The following PPP2R2C variants were observed in gnomAD, a reference collection of about 807,000 sequenced individuals.
The protein encoded by PPP2R2C is protein phosphatase 2 regulatory subunit Bgamma, also known as protein phosphatase 2, regulatory subunit B, gamma.
PPP2R2C carries 10 observed loss-of-function variants against 45.3 expected under a neutral mutation model. That is an observed-to-expected ratio of 0.22 (90% CI 0.14 to 0.37). The LOEUF is 0.37. Among genes scored for constraint, PPP2R2C ranks in the 10% least tolerant of loss-of-function variants. PPP2R2C has a pLI of 1.00. For synonymous variants in PPP2R2C, 257 were observed against 245.4 expected, an observed-to-expected ratio of 1.05 and a Z score of -0.44; for missense variants, 308 against 619.7, an observed-to-expected ratio of 0.50 and a Z score of 5.34.
chr4:6,520,307 C>T (rs554381978), intron 2 of PPP2R2C, among the ~76,000 whole-genome samples: 3 of 152,258 alleles, frequency 2.0e-5, no homozygotes, highest in Non-Finnish European at 2.9e-5. Flanking sequence ...AGTCCTCTGT[C>T]AACAGCCAAC....
intron 5 of PPP2R2C, chr4:6,350,098 A>G: frequency 2.0e-6 from 2 of 985,462 alleles, no homozygotes; most frequent in Non-Finnish European, 2.4e-6. Flanking sequence ...GAGTTAAGGC[A>G]TCACTGCCTG....
Position 6,321,205 on chromosome 4 carries a change from A to G in PPP2R2C, c.*2097T>C, listed in dbSNP as rs1731531813. The G allele has an allele frequency of 1.3e-5, 2 of 152,264 alleles. No individual in the cohort carries two copies. Among genetic ancestry groups the G allele is most frequent in the Admixed American group, 6.5e-5 (1 of 15,270 alleles). 9.4% of individuals were successfully genotyped at this position (152,264 alleles called of 1,614,324 possible). Reference sequence around the variant, plus strand: ...ATGTTAAATCTATGATGTGACAGTAACCTCTAGCTGCAAATACAAGTTTCT... The same window carrying G: ...ATGTTAAATCTATGATGTGACAGTAGCCTCTAGCTGCAAATACAAGTTTCT... On this transcript the variant is annotated 3_prime_UTR_variant, in exon 9 of 9. Coordinates refer to ENST00000382599, the MANE Select transcript of PPP2R2C (RefSeq NM_020416.4).
chr4:6,444,215 G>C (rs1271043279), intron 1 of PPP2R2C, among the ~76,000 whole-genome samples: 1 of 152,220 alleles, frequency 6.6e-6, no homozygotes, highest in African/African-American at 2.4e-5. Context: ...CCCGAAAATG[G>C]AAATCAGATG....
intron 2 of PPP2R2C, among the ~76,000 whole-genome samples, chr4:6,513,792 G>A (rs1723747630): frequency 6.6e-6 from 1 of 152,192 alleles, no homozygotes; most frequent in Non-Finnish European, 1.5e-5. Context: ...GCAGGCCAGG[G>A]AAGGGCCCCC....
Position 6,401,349 on chromosome 4 carries a change from T to C in PPP2R2C, c.71-20255A>G, listed in dbSNP as rs80288085. Among the ~76,000 whole-genome samples the C allele has an allele frequency of 9.3e-3, 1,420 of 152,128 alleles. 33 individuals carry two copies. The highest frequency in any genetic ancestry group is 0.032 in the African/African-American group (1,339 of 41,494). On this transcript the variant is annotated intron_variant, in intron 1 of 8. Transcript: ENST00000382599. ...TGTTTCCGAGTATTGTCAGGAACCG[T>C]CTTTGGACTGCCTCCTTCACTTCTA...
chr4:6,373,844 CAT>C (rs1431708688), intron 4 of PPP2R2C, among the ~76,000 whole-genome samples: 5 of 151,890 alleles, frequency 3.3e-5, no homozygotes, highest in African/African-American at 4.8e-5. Flanking sequence ...TGAGTGTGTG[CAT>C]ATGAGTGTGC....
At chr4:6,541,420 C>G (rs1724799600) in intron 1 of PPP2R2C, among the ~76,000 whole-genome samples, 1 of 152,160 alleles carries the variant, frequency 6.6e-6, no homozygotes, top group African/African-American at 2.4e-5. Context: ...TTCTCTCTGC[C>G]TGCTGTCCAC....
At chr4:6,409,107 G>A (rs1717991195) in intron 1 of PPP2R2C, among the ~76,000 whole-genome samples, 1 of 151,978 alleles carries the variant, frequency 6.6e-6, no homozygotes, top group African/African-American at 2.4e-5. Flanking sequence ...GTTCCCTGTG[G>A]CACCCAGCAT....
intron 2 of PPP2R2C, among the ~76,000 whole-genome samples, chr4:6,500,529 C>T (rs913663779): frequency 6.6e-6 from 1 of 152,228 alleles, no homozygotes; most frequent in Non-Finnish European, 1.5e-5. Flanking sequence ...TCCAAGCTGT[C>T]GGCCTTGGAC....
At chr4:6,561,403 C>T (rs969684799) in intron 1 of PPP2R2C, among the ~76,000 whole-genome samples, 6 of 151,994 alleles carry the variant, frequency 3.9e-5, no homozygotes, top group Admixed American at 2.6e-4. Context: ...TTTTTGAACA[C>T]AGGGCCCTGC....
chr4:6,349,846 G>A (rs148264197), intron 5 of PPP2R2C: 11 of 960,054 alleles, frequency 1.1e-5, no homozygotes, highest in African/African-American at 5.3e-5. Context: ...AGCCGAGATC[G>A]CACCATTATA....
chr4:6,459,447 C>T (rs1721211337), intron 1 of PPP2R2C, among the ~76,000 whole-genome samples: 1 of 152,166 alleles, frequency 6.6e-6, no homozygotes, highest in Non-Finnish European at 1.5e-5. Context: ...GATCCATGCT[C>T]AGCAGGACAA....
intron 6 of PPP2R2C, among the ~76,000 whole-genome samples, chr4:6,336,038 C>T (rs181189635): frequency 8.6e-4 from 131 of 152,204 alleles, no homozygotes; most frequent in Non-Finnish European, 1.4e-3. Context: ...GGCAGGTGGT[C>T]GCTCCTTCCA....
At chr4:6,460,762 G>C (rs542182069) in intron 1 of PPP2R2C, among the ~76,000 whole-genome samples, 10 of 152,070 alleles carry the variant, frequency 6.6e-5, no homozygotes, top group Admixed American at 2.0e-4. Flanking sequence ...TTTTTGCTAT[G>C]ACTACATATG....
chr4:6,427,055 A>G (rs965843955), intron 1 of PPP2R2C, among the ~76,000 whole-genome samples: 49 of 152,320 alleles, frequency 3.2e-4, no homozygotes, highest in African/African-American at 1.2e-3. Flanking sequence ...GAACCCCAAG[A>G]AGAGAATATC....
chr4:6,331,438 C>A lies in PPP2R2C; in HGVS notation c.961-2085G>T, dbSNP rs1189976450. 1.3e-5 allele frequency among the ~76,000 whole-genome samples: 2 copies of A among 152,132 alleles called. No homozygotes were observed. The highest frequency in any genetic ancestry group is 2.9e-5 in the Non-Finnish European group (2 of 68,016). On this transcript the variant is annotated intron_variant, in intron 7 of 8. Transcript: ENST00000382599. The surrounding 1 kb of genome is among the most constrained non-coding windows in gnomAD (Gnocchi z 5.9). ...ACCTCAGTGTGGCTCATTCAACAACCGTCCCCAGCCCCTTCACCCTTGCCT... is the reference window on the plus strand; with the variant it reads ...ACCTCAGTGTGGCTCATTCAACAACAGTCCCCAGCCCCTTCACCCTTGCCT...
chr4:6,544,340 T>C lies in PPP2R2C; in HGVS notation c.-58-8963A>G, dbSNP rs79463984. ...AGATGAATGCTTTCCTGGTTTATTA[T>C]CATTATTATTTTTATTTTTAGAGAC... is the stretch of plus-strand genomic sequence containing the variant. On this transcript the variant is annotated intron_variant, in intron 1 of 9. Transcript: ENST00000506140. Among the ~76,000 whole-genome samples the C allele has an allele frequency of 5.4e-3, 829 of 152,268 alleles. 6 individuals carry two copies. Among genetic ancestry groups the C allele is most frequent in the African/African-American group, 0.019 (769 of 41,552 alleles).
intron 1 of PPP2R2C, among the ~76,000 whole-genome samples, chr4:6,410,420 C>T (rs73073383): frequency 1.3e-5 from 2 of 152,312 alleles, no homozygotes; most frequent in Middle Eastern, 3.4e-3. Flanking sequence ...GGGGCATGCA[C>T]TAGGAGCAGC....
At chr4:6,395,102 C>T (rs548674173) in intron 1 of PPP2R2C, among the ~76,000 whole-genome samples, 37 of 152,258 alleles carry the variant, frequency 2.4e-4, no homozygotes, top group East Asian at 1.4e-3. Context: ...ACCCCATCCA[C>T]CCAGCAGCCA....
Sources: allele counts gnomAD v4.1 joint callset (sites outside exome capture counted in the v4.1 genomes callset), GRCh38; gene constraint gnomAD v4.1.1; non-coding constraint Gnocchi (gnomAD v3.1); transcripts MANE v1.5; gene names NCBI Gene and HGNC (gene_info 2026-07-23, HGNC 2026-07-21).